The following GRIK1 variants were observed in gnomAD, a reference collection of about 807,000 sequenced individuals.
The protein encoded by GRIK1 is glutamate ionotropic receptor kainate type subunit 1, also known as glutamate receptor ionotropic, kainate 1.
In GRIK1, 69 loss-of-function variants were observed where a neutral mutation model predicts 105.7. The ratio of observed to expected loss-of-function variants is 0.65; its 90% CI spans 0.54 to 0.80. GRIK1 has a LOEUF of 0.80. Among genes scored for constraint, GRIK1 ranks in the 30% least tolerant of loss-of-function variants. The pLI is 0.00. For synonymous variants in GRIK1, 438 were observed against 431.3 expected, an observed-to-expected ratio of 1.02 and a Z score of -0.19; for missense variants, 1,109 against 1,167.3, an observed-to-expected ratio of 0.95 and a Z score of 0.73.
At chr21:29,593,221 GT>G (rs1477755432) in intron 9 of GRIK1, among the ~76,000 whole-genome samples, 1 of 152,142 alleles carries the variant, frequency 6.6e-6, no homozygotes, top group African/African-American at 2.4e-5. Flanking sequence ...GAATGGGATA[GT>G]TTTTGCATTT....
At chr21:29,880,951 G>C (rs568524751) in intron 1 of GRIK1, among the ~76,000 whole-genome samples, 2 of 152,230 alleles carry the variant, frequency 1.3e-5, no homozygotes, top group African/African-American at 4.8e-5. Context: ...GAAGATCTCT[G>C]AGGTTAGTAG....
chr21:29,775,413 A>G (rs934339861), intron 1 of GRIK1, among the ~76,000 whole-genome samples: 2 of 152,056 alleles, frequency 1.3e-5, no homozygotes, highest in African/African-American at 2.4e-5. Context: ...ACAGAGAAGC[A>G]CCTTTCTCTG....
At chr21:29,638,794 T>C (rs988490882) in intron 7 of GRIK1, among the ~76,000 whole-genome samples, 4 of 152,234 alleles carry the variant, frequency 2.6e-5, no homozygotes, top group African/African-American at 9.6e-5. Flanking sequence ...TTTCATTTTT[T>C]AACAGAACCT....
Position 29,638,364 on chromosome 21 carries a change from T to C in GRIK1, c.1098+4462A>G, listed in dbSNP as rs113655300. ...CTCAGTCACTATCACAAGAACAGCA[T>C]GGGGGAAACGCCCCCATGATCCAAT... On this transcript the variant is annotated intron_variant, in intron 7 of 17. Transcript: ENST00000327783. 4.5e-3 allele frequency among the ~76,000 whole-genome samples: 690 copies of C among 152,106 alleles called. 4 individuals carry two copies. The highest frequency in any genetic ancestry group is 0.016 in the African/African-American group (657 of 41,488).
At chr21:29,838,696 C>G (rs897603919) in intron 1 of GRIK1, among the ~76,000 whole-genome samples, 8 of 152,110 alleles carry the variant, frequency 5.3e-5, no homozygotes, top group Non-Finnish European at 1.2e-4. Context: ...ATTTTACAAG[C>G]CAAAGCTCTG....
chr21:29,779,586 TA>T (rs2066035174), intron 1 of GRIK1, among the ~76,000 whole-genome samples: 2 of 152,234 alleles, frequency 1.3e-5, no homozygotes, highest in African/African-American at 4.8e-5. Flanking sequence ...AAGTGGACTT[TA>T]GGTCAATTGA....
intron 3 of GRIK1, among the ~76,000 whole-genome samples, chr21:29,674,534 G>A (rs967447720): frequency 1.3e-5 from 2 of 151,648 alleles, no homozygotes; most frequent in Admixed American, 6.6e-5. Flanking sequence ...CCCATGTGTC[G>A]GGGGGGAACT....
chr21:29,568,463 A>T (rs921568259), intron 14 of GRIK1, among the ~76,000 whole-genome samples: 5 of 152,220 alleles, frequency 3.3e-5, no homozygotes, highest in African/African-American at 7.2e-5. Context: ...AAGAGATGAT[A>T]AAGGTTAGAG....
At chr21:29,689,503 T>C (rs1392758260) in intron 3 of GRIK1, among the ~76,000 whole-genome samples, 3 of 152,166 alleles carry the variant, frequency 2.0e-5, no homozygotes, top group African/African-American at 7.2e-5. Context: ...TAAAAAAAAG[T>C]TCCCATATAT....
Position 29,823,417 on chromosome 21 carries a change from A to G in GRIK1, c.118+115966T>C, listed in dbSNP as rs550122307. 3.0e-3 allele frequency among the ~76,000 whole-genome samples: 454 copies of G among 152,064 alleles called. 1 individual carries two copies. Among genetic ancestry groups the G allele is most frequent in the Non-Finnish European group, 5.4e-3 (368 of 67,924 alleles). ...ATTTATTTACAAATCAAAATAACGA[A>G]TGTAAATAAGCTATATATTCTTACA... On this transcript the variant is annotated intron_variant, in intron 1 of 17. Coordinates refer to ENST00000327783, the MANE Select transcript of GRIK1 (RefSeq NM_001330994.2).
intron 1 of GRIK1, among the ~76,000 whole-genome samples, chr21:29,782,306 T>TGC (rs2066144196): frequency 6.6e-6 from 1 of 152,090 alleles, no homozygotes; most frequent in African/African-American, 2.4e-5. Flanking sequence ...CAGGATGGTC[T>TGC]CGATCTCCTG....
chr21:29,580,333 T>A (rs2091000676), intron 13 of GRIK1, among the ~76,000 whole-genome samples: 1 of 151,956 alleles, frequency 6.6e-6, no homozygotes, highest in South Asian at 2.1e-4. Context: ...CTCTGTGCTA[T>A]GCTCTAAATT....
intron 4 of GRIK1, among the ~76,000 whole-genome samples, chr21:29,655,313 C>T (rs567531419): frequency 5.9e-5 from 9 of 152,020 alleles, no homozygotes; most frequent in Non-Finnish European, 8.8e-5. Context: ...GAGGCTGAGG[C>T]GGGAGAATCG....
chr21:29,866,639 T>A (rs181062811), intron 1 of GRIK1, among the ~76,000 whole-genome samples: 1 of 152,036 alleles, frequency 6.6e-6, no homozygotes, highest in Admixed American at 6.5e-5. Context: ...ACAAAAGAAG[T>A]GGGGATGACA....
intron 1 of GRIK1, among the ~76,000 whole-genome samples, chr21:29,723,151 C>G (rs2064364118): frequency 6.6e-6 from 1 of 151,844 alleles, no homozygotes; most frequent in Non-Finnish European, 1.5e-5. Context: ...CCTGTTTCTA[C>G]CAAAAAAAAT....
At chr21:29,544,205 T>A (rs2090015374) in intron 16 of GRIK1, among the ~76,000 whole-genome samples, 1 of 152,224 alleles carries the variant, frequency 6.6e-6, no homozygotes, top group South Asian at 2.1e-4. Context: ...CTGTTGTTCA[T>A]CTTTATTTAA....
At chr21:29,735,123 C>A (rs559523784) in intron 1 of GRIK1, among the ~76,000 whole-genome samples, 3 of 152,228 alleles carry the variant, frequency 2.0e-5, no homozygotes, top group Non-Finnish European at 4.4e-5. Context: ...ATCTCCCCAA[C>A]AAGAACATAG....
At chr21:29,623,798 C>T (rs1236761396) in intron 7 of GRIK1, among the ~76,000 whole-genome samples, 2 of 152,174 alleles carry the variant, frequency 1.3e-5, no homozygotes, top group African/African-American at 4.8e-5. Flanking sequence ...TAAGAGTCAA[C>T]ATGCTATTCA....
At chr21:29,901,849 G>A (rs421326) in intron 1 of GRIK1, among the ~76,000 whole-genome samples, 45,867 of 151,798 alleles carry the variant, frequency 0.3, 10,009 homozygotes, top group African/African-American at 0.62. Context: ...AGAAAAAAAA[G>A]GAGAATTTTA....
Sources: gnomAD v4.1 joint callset for allele counts (sites outside exome capture counted in the v4.1 genomes callset) on GRCh38, gnomAD v4.1.1 for gene constraint, MANE v1.5 for transcripts, NCBI Gene and HGNC (gene_info 2026-07-23, HGNC 2026-07-21) for gene names.